Variants in PRIM2 observed in about 807,000 individuals in gnomAD.
The protein encoded by PRIM2 is DNA primase large subunit.
A neutral mutation model predicts 67.3 loss-of-function variants in PRIM2; 39 were observed. That is an observed-to-expected ratio of 0.58 (90% confidence interval 0.45 to 0.76). PRIM2 has a LOEUF of 0.76. Ranked by LOEUF, PRIM2 falls within the 30% of genes least tolerant of loss-of-function variation. PRIM2 has a pLI of 0.00. For missense variants in PRIM2, 398 were observed against 598.7 expected (o/e 0.66, Z 3.50); for synonymous variants, 143 against 198.7 (o/e 0.72, Z 2.36).
At chr6:57,505,664 G>A (rs1774234919) in intron 7 of PRIM2, among the ~76,000 whole-genome samples, 1 of 152,112 alleles carries the variant, frequency 6.6e-6, no homozygotes, top group African/African-American at 2.4e-5. Flanking sequence ...GGCAAGAATG[G>A]CAGCAGAAAC....
At chr6:57,478,994 A>G (rs1307330963) in intron 7 of PRIM2, among the ~76,000 whole-genome samples, 1 of 152,176 alleles carries the variant, frequency 6.6e-6, no homozygotes, top group African/African-American at 2.4e-5. Context: ...TAAAAATACA[A>G]AATTAGCCGG....
intron 7 of PRIM2, among the ~76,000 whole-genome samples, chr6:57,452,013 A>G (rs146261095): frequency 2.1e-5 from 3 of 145,268 alleles, no homozygotes; most frequent in Non-Finnish European, 4.5e-5. Context: ...GTTCCCACCT[A>G]TGAGTGAGAA....
At chr6:57,364,675 T>TG (rs2127316469) in intron 5 of PRIM2, among the ~76,000 whole-genome samples, 1 of 152,166 alleles carries the variant, frequency 6.6e-6, no homozygotes, top group African/African-American at 2.4e-5. Flanking sequence ...GAGGGCCTCT[T>TG]GCAAGAGTCT....
chr6:57,452,172 C>T (rs1340226690), intron 7 of PRIM2, among the ~76,000 whole-genome samples: 3 of 152,104 alleles, frequency 2.0e-5, no homozygotes, highest in Non-Finnish European at 4.4e-5. Flanking sequence ...TTTTCTTTAT[C>T]AAGTCTATCA....
At chr6:57,454,591 T>G (rs1241728652) in intron 7 of PRIM2, among the ~76,000 whole-genome samples, 1 of 152,212 alleles carries the variant, frequency 6.6e-6, no homozygotes, top group East Asian at 1.9e-4. Context: ...TATAGTATTC[T>G]CTGATGGTAG....
intron 5 of PRIM2, among the ~76,000 whole-genome samples, chr6:57,338,194 T>G (rs183119905): frequency 0.034 from 5,164 of 151,926 alleles, 284 homozygotes; most frequent in African/African-American, 0.12. Flanking sequence ...AATAACAGGA[T>G]CTGAAATTGT....
chr6:57,249,937 C>T, the PRIM2 span, among the ~76,000 whole-genome samples: 1,570 of 152,292 alleles, frequency 0.01, 34 homozygotes, highest in African/African-American at 0.036. Flanking sequence ...GGCATTACTA[C>T]ACCCTGCCTG....
chr6:57,422,345 C>T (rs1245813447), intron 7 of PRIM2, among the ~76,000 whole-genome samples: 4 of 151,548 alleles, frequency 2.6e-5, no homozygotes, highest in East Asian at 1.9e-4. Context: ...CCATGTTGGC[C>T]GGGCTGGTCT....
At chr6:57,488,506 G>C (rs1773804421) in intron 7 of PRIM2, among the ~76,000 whole-genome samples, 1 of 152,234 alleles carries the variant, frequency 6.6e-6, no homozygotes, top group Non-Finnish European at 1.5e-5. Context: ...AGATTAAGTA[G>C]TCACTTGGAA....
intron 7 of PRIM2, among the ~76,000 whole-genome samples, chr6:57,390,683 G>A (rs7770671): frequency 6.6e-6 from 1 of 152,070 alleles, no homozygotes; most frequent in Non-Finnish European, 1.5e-5. Context: ...AGTAGCCTCA[G>A]GCTCCATCCA....
chr6:57,409,277 G>A (rs144098199), intron 7 of PRIM2, among the ~76,000 whole-genome samples: 2,960 of 151,886 alleles, frequency 0.019, 61 homozygotes, highest in African/African-American at 0.044. Context: ...TCGGGTTCAC[G>A]CCATTCTTCT....
intron 8 of PRIM2, among the ~76,000 whole-genome samples, chr6:57,529,529 CA>C (rs1774842635): frequency 2.0e-5 from 3 of 152,118 alleles, no homozygotes; most frequent in Admixed American, 1.3e-4. Context: ...TTTAACTTTG[CA>C]TGAGTTTTAT....
chr6:57,456,838 C>T (rs566146166), intron 7 of PRIM2, among the ~76,000 whole-genome samples: 4 of 152,204 alleles, frequency 2.6e-5, no homozygotes, highest in African/African-American at 7.2e-5. Context: ...TGAGGAGCTG[C>T]GTTCCTTTGG....
intron 10 of PRIM2, among the ~76,000 whole-genome samples, chr6:57,590,212 A>ATTG (rs1776261758): frequency 0.022 from 3,284 of 152,308 alleles, 58 homozygotes; most frequent in Non-Finnish European, 0.032. Context: ...ATACCCAAAA[A>ATTG]GCAAGCAGAC....
At chr6:57,456,326 T>C (rs1772778996) in intron 7 of PRIM2, among the ~76,000 whole-genome samples, 1 of 152,180 alleles carries the variant, frequency 6.6e-6, no homozygotes. Flanking sequence ...AATTTGAATG[T>C]TGGCCTTCCT....
At chr6:57,288,215 G>T in the PRIM2 span, among the ~76,000 whole-genome samples, 1 of 152,156 alleles carries the variant, frequency 6.6e-6, no homozygotes, top group African/African-American at 2.4e-5. Context: ...GCAGCTTGGC[G>T]TGGGGAGGGG....
At chr6:57,446,866 A>G (rs1464015474) in intron 7 of PRIM2, among the ~76,000 whole-genome samples, 1 of 152,090 alleles carries the variant, frequency 6.6e-6, no homozygotes, top group African/African-American at 2.4e-5. Context: ...CTACTGTTCC[A>G]TGATGGAAGG....
At chr6:57,548,983 G>A (rs1581983997) in intron 10 of PRIM2, among the ~76,000 whole-genome samples, 1 of 152,104 alleles carries the variant, frequency 6.6e-6, no homozygotes, top group Admixed American at 6.5e-5. Flanking sequence ...CCTAGCATAT[G>A]CTAGGCTCTA....
chr6:57,421,737 T>C (rs1389363932), intron 7 of PRIM2, among the ~76,000 whole-genome samples: 2 of 152,238 alleles, frequency 1.3e-5, no homozygotes, highest in African/African-American at 2.4e-5. Flanking sequence ...GCTTGACTAT[T>C]GGTGGTTAGA....
Sources: allele counts gnomAD v4.1 joint callset (sites outside exome capture counted in the v4.1 genomes callset), GRCh38; gene constraint gnomAD v4.1.1; transcripts MANE v1.5; gene names NCBI Gene and HGNC (gene_info 2026-07-23, HGNC 2026-07-21).